PCSK5: variants seen among roughly 807,000 people sequenced by gnomAD.
PCSK5 encodes the protein prohormone convertase 5.
A neutral mutation model predicts 233.2 loss-of-function variants in PCSK5; 129 were observed. The ratio of observed to expected loss-of-function variants is 0.55; its 90% CI spans 0.48 to 0.64. The LOEUF (loss-of-function observed/expected upper bound fraction) is 0.64. PCSK5 is among the 30% of genes least tolerant of loss of function. The pLI, the probability that PCSK5 is intolerant of heterozygous loss-of-function variation, is 0.00. For missense variants in PCSK5, 2,076 were observed against 2,430.1 expected (o/e 0.85, Z 3.06); for synonymous variants, 825 against 879.2 (o/e 0.94, Z 1.09).
In PCSK5 at chr9:76,273,566, TATATATATAC is replaced by T. The variant is rs199944637; in HGVS notation, c.3143-18657_3143-18648del. Reference sequence around the variant, plus strand: ...TTCTTATAGATTAACAAAATAGTAATATATATATACATATATATATATATATATATTTGTA... The same window carrying T: ...TTCTTATAGATTAACAAAATAGTAATATATATATATATATATATATTTGTA... On this transcript the variant is annotated intron_variant, in intron 24 of 37. Coordinates refer to ENST00000674117, the MANE Select transcript of PCSK5 (RefSeq NM_001372043.1). 5.7e-3 allele frequency among the ~76,000 whole-genome samples: 360 copies of T among 63,010 alleles called. 5 individuals are homozygous for T. Among genetic ancestry groups the T allele is most frequent in the African/African-American group, 0.019 (337 of 17,418 alleles). The allele number at this position is 63,010 out of a possible 152,430, so 41.3% of individuals were successfully genotyped here.
chr9:76,350,138 G>T (rs1249576063), intron 35 of PCSK5, among the ~76,000 whole-genome samples: 1 of 150,914 alleles, frequency 6.6e-6, no homozygotes, highest in Non-Finnish European at 1.5e-5. Context: ...AAGAAAGACA[G>T]ATCAACGGAT....
At chr9:76,327,852 G>T (rs55661313) in intron 32 of PCSK5, among the ~76,000 whole-genome samples, 157 bp from the exon 33 acceptor site, 14,421 of 152,208 alleles carry the variant, frequency 0.095, 783 homozygotes, top group Non-Finnish European at 0.13. Context: ...CTCAAGGGCT[G>T]TACTCAACTC....
At chr9:76,007,728 G>A (rs1827538194) in intron 3 of PCSK5, among the ~76,000 whole-genome samples, 1 of 151,102 alleles carries the variant, frequency 6.6e-6, no homozygotes, top group Non-Finnish European at 1.5e-5. Context: ...CTGGGTTCAA[G>A]TGATTCTCCC....
intron 35 of PCSK5, among the ~76,000 whole-genome samples, chr9:76,339,286 T>C (rs1829765004): frequency 6.6e-6 from 1 of 152,220 alleles, no homozygotes; most frequent in Non-Finnish European, 1.5e-5. Flanking sequence ...TATTAGCTGG[T>C]AGGATACATA....
chr9:75,921,861 C>G (rs1823272931), intron 1 of PCSK5, among the ~76,000 whole-genome samples: 1 of 152,138 alleles, frequency 6.6e-6, no homozygotes, highest in Non-Finnish European at 1.5e-5. Context: ...TCTTAAATAA[C>G]TGTTATAAAC....
At chr9:76,057,431 TA>T (rs1406777378) in intron 5 of PCSK5, among the ~76,000 whole-genome samples, 1 of 152,172 alleles carries the variant, frequency 6.6e-6, no homozygotes, top group African/African-American at 2.4e-5. Context: ...GAGAATGGGC[TA>T]GGGTGATTTA....
intron 2 of PCSK5, among the ~76,000 whole-genome samples, chr9:75,977,356 A>G (rs1383855735): frequency 6.7e-6 from 1 of 150,266 alleles, no homozygotes; most frequent in Non-Finnish European, 1.5e-5. Context: ...GCATCCATTC[A>G]CTGTTCTTCC....
intron 20 of PCSK5, among the ~76,000 whole-genome samples, chr9:76,201,099 CTG>C (rs1381548496): frequency 6.6e-6 from 1 of 152,190 alleles, no homozygotes; most frequent in Non-Finnish European, 1.5e-5. Flanking sequence ...CTTCTGTTCA[CTG>C]TGATGTCCAC....
chr9:76,064,676 G>A (rs879612924), intron 5 of PCSK5, among the ~76,000 whole-genome samples: 373 of 147,846 alleles, frequency 2.5e-3, no homozygotes, highest in Middle Eastern at 0.01. Flanking sequence ...CAGGCAGAGG[G>A]TCTCCTCACT....
At chr9:76,010,923 C>T (rs1411126345) in intron 3 of PCSK5, among the ~76,000 whole-genome samples, 5 of 152,028 alleles carry the variant, frequency 3.3e-5, no homozygotes, top group Admixed American at 2.0e-4. Context: ...TCCAGTTTAC[C>T]TTGAATATGC....
At chr9:76,174,137 A>C (rs1587717041) in intron 13 of PCSK5, among the ~76,000 whole-genome samples, 1 of 152,144 alleles carries the variant, frequency 6.6e-6, no homozygotes, top group African/African-American at 2.4e-5. Flanking sequence ...ATTTTAGTTC[A>C]TTTAAGTTTA....
In PCSK5 at chr9:75,890,856, C is replaced by A. The variant is rs534529763; in HGVS notation, c.-326C>A. ...AGACCGAGTCGGAGAGTCCGGGAGC[C>A]AAGCCGGGCGAAACCCAACTGCGGA... On this transcript the variant is annotated 5_prime_UTR_variant, in exon 1 of 38. Transcript: ENST00000674117. The A allele has an allele frequency of 1.5e-5, 4 of 265,050 alleles. No homozygotes were observed. In the East Asian group the frequency reaches 2.5e-4, roughly 17 times the overall value. 16.4% of individuals were successfully genotyped at this position (265,050 alleles called of 1,614,324 possible).
At chr9:76,038,755 T>G (rs1828970294) in intron 5 of PCSK5, among the ~76,000 whole-genome samples, 1 of 152,210 alleles carries the variant, frequency 6.6e-6, no homozygotes, top group Non-Finnish European at 1.5e-5. Context: ...CAATCTTAGA[T>G]GCAGCTCCAT....
chr9:75,966,854 A>G (rs1224644453), intron 2 of PCSK5, among the ~76,000 whole-genome samples: 1 of 152,236 alleles, frequency 6.6e-6, no homozygotes, highest in Non-Finnish European at 1.5e-5. Context: ...GGTTTTGTCC[A>G]TCCTATTTCT....
intron 1 of PCSK5, among the ~76,000 whole-genome samples, chr9:75,894,870 G>A (rs1825746100): frequency 6.6e-6 from 1 of 152,190 alleles, no homozygotes; most frequent in South Asian, 2.1e-4. Flanking sequence ...AAAGGAATAA[G>A]ACCTGACATG....
At chr9:76,112,577 A>G (rs1186623564) in intron 9 of PCSK5, among the ~76,000 whole-genome samples, 1 of 152,068 alleles carries the variant, frequency 6.6e-6, no homozygotes, top group Non-Finnish European at 1.5e-5. Flanking sequence ...CCTATTGCAA[A>G]TTAAATTTAA....
chr9:76,294,814 T>G (rs918573933), intron 25 of PCSK5, among the ~76,000 whole-genome samples: 1 of 151,658 alleles, frequency 6.6e-6, no homozygotes, highest in Non-Finnish European at 1.5e-5. Context: ...GGTTGAGGGG[T>G]GCATAACAGA....
chr9:76,262,182 G>A (rs546990582), intron 24 of PCSK5, among the ~76,000 whole-genome samples: 1 of 152,100 alleles, frequency 6.6e-6, no homozygotes, highest in African/African-American at 2.4e-5. Flanking sequence ...AATCAATATC[G>A]TGAAAATGGC....
intron 9 of PCSK5, among the ~76,000 whole-genome samples, chr9:76,132,861 T>TTA (rs1822814278): frequency 6.6e-6 from 1 of 151,976 alleles, no homozygotes; most frequent in South Asian, 2.1e-4. Context: ...CCCTTCTTAC[T>TTA]AGAAGGCCGC....
Sources: allele counts gnomAD v4.1 joint callset (sites outside exome capture counted in the v4.1 genomes callset), GRCh38; gene constraint gnomAD v4.1.1; transcripts MANE v1.5; gene names NCBI Gene and HGNC (gene_info 2026-07-23, HGNC 2026-07-21).